DTNB: variants seen among roughly 807,000 people sequenced by gnomAD.
DTNB encodes dystrobrevin beta.
Under a neutral mutation model 90.7 loss-of-function variants are expected in DTNB, and 63 were observed. The ratio of observed to expected loss-of-function variants is 0.69; its 90% confidence interval spans 0.57 to 0.86. DTNB has a LOEUF of 0.86. Among genes scored for constraint, DTNB ranks in the 40% least tolerant of loss-of-function variants. The pLI, the probability that DTNB is intolerant of heterozygous loss-of-function variation, is 0.00. For missense variants in DTNB, 744 were observed against 807.1 expected, an observed-to-expected ratio of 0.92 and a Z score of 0.95; for synonymous variants, 277 against 286.7, an observed-to-expected ratio of 0.97 and a Z score of 0.34.
At chr2:25,589,420 G>A (rs376033879) in intron 6 of DTNB, among the ~76,000 whole-genome samples, 17 of 110,282 alleles carry the variant, frequency 1.5e-4, no homozygotes, top group African/African-American at 5.1e-4. Context: ...TCACTCTGTC[G>A]CCCAGGCTGG....
chr2:25,413,513 G>A (rs2047130027), intron 16 of DTNB, among the ~76,000 whole-genome samples: 1 of 151,020 alleles, frequency 6.6e-6, no homozygotes, highest in African/African-American at 2.4e-5. Context: ...AGAACATGCG[G>A]TGTTTGGTTT....
chr2:25,432,625 G>A (rs762462410), intron 14 of DTNB, among the ~76,000 whole-genome samples: 7 of 152,212 alleles, frequency 4.6e-5, no homozygotes, highest in Non-Finnish European at 8.8e-5. Flanking sequence ...AATCACAGAA[G>A]TATAAACAGT....
chr2:25,619,134 T>A (rs1313843421), intron 4 of DTNB, among the ~76,000 whole-genome samples: 1 of 152,152 alleles, frequency 6.6e-6, no homozygotes, highest in African/African-American at 2.4e-5. Flanking sequence ...GAGTTTGCTA[T>A]TCAAATTAAT....
chr2:25,435,733 T>G (rs2102387), intron 12 of DTNB, among the ~76,000 whole-genome samples: 152,049 of 152,272 alleles, frequency 1, 75,913 homozygotes, highest in Middle Eastern at 1. Context: ...ATTTCTCTTG[T>G]GTACGTACCT....
At chr2:25,487,861 C>T (rs973170433) in intron 9 of DTNB, among the ~76,000 whole-genome samples, 39 of 152,152 alleles carry the variant, frequency 2.6e-4, no homozygotes, top group African/African-American at 9.4e-4. Flanking sequence ...GTGAAAGGAG[C>T]TTGTCCTAGC....
At chr2:25,582,987 G>A (rs962317832) in intron 6 of DTNB, among the ~76,000 whole-genome samples, 17 of 152,054 alleles carry the variant, frequency 1.1e-4, no homozygotes, top group Admixed American at 2.0e-4. Context: ...TTGGCTGGGC[G>A]TGGCAACTCA....
At chr2:25,390,785 T>C (rs1258149219) in intron 16 of DTNB, among the ~76,000 whole-genome samples, 2 of 151,724 alleles carry the variant, frequency 1.3e-5, no homozygotes, top group African/African-American at 4.8e-5. Flanking sequence ...AAAAAACATA[T>C]GAACAAATCA....
At chr2:25,587,593 G>A (rs2062701066) in intron 6 of DTNB, among the ~76,000 whole-genome samples, 1 of 152,104 alleles carries the variant, frequency 6.6e-6, no homozygotes, top group African/African-American at 2.4e-5. Context: ...GAAGCGGGGG[G>A]AAGGGGTGCT....
At chr2:25,616,036 T>C (rs926430172) in intron 4 of DTNB, among the ~76,000 whole-genome samples, 1 of 152,224 alleles carries the variant, frequency 6.6e-6, no homozygotes, top group Non-Finnish European at 1.5e-5. Flanking sequence ...AAGGACATAA[T>C]AAAAGATTAC....
At chr2:25,564,897 G>C (rs2058784900) in intron 8 of DTNB, among the ~76,000 whole-genome samples, 1 of 152,080 alleles carries the variant, frequency 6.6e-6, no homozygotes. Context: ...TGCAGTTTTT[G>C]CCATTAAAAG....
At chr2:25,391,863 C>A (rs999802120) in intron 16 of DTNB, among the ~76,000 whole-genome samples, 4 of 152,132 alleles carry the variant, frequency 2.6e-5, no homozygotes, top group East Asian at 1.9e-4. Context: ...TTTAAAAATT[C>A]TTTGAACTGA....
chr2:25,429,428 G>C (rs555690836), intron 14 of DTNB, among the ~76,000 whole-genome samples: 1 of 151,904 alleles, frequency 6.6e-6, no homozygotes, highest in Non-Finnish European at 1.5e-5. Flanking sequence ...TCCAGCTTAC[G>C]GTTCATTTTT....
At chr2:25,636,893 G>C (rs1324673319) in intron 3 of DTNB, among the ~76,000 whole-genome samples, 1 of 151,578 alleles carries the variant, frequency 6.6e-6, no homozygotes, top group Non-Finnish European at 1.5e-5. Flanking sequence ...CTTCGATCTA[G>C]GATGGCATGA....
At chr2:25,450,638 C>T (rs755851908) in intron 12 of DTNB, among the ~76,000 whole-genome samples, 1 of 152,194 alleles carries the variant, frequency 6.6e-6, no homozygotes, top group Non-Finnish European at 1.5e-5. Context: ...TTAGGAAAAT[C>T]TGCCATCCTA....
chr2:25,567,219 G>A (rs1463999761), intron 8 of DTNB, among the ~76,000 whole-genome samples: 1 of 152,190 alleles, frequency 6.6e-6, no homozygotes, highest in African/African-American at 2.4e-5. Flanking sequence ...ATGACACGTG[G>A]CTATTTAAAA....
chr2:25,553,285 G>A (rs1444756846), intron 8 of DTNB, among the ~76,000 whole-genome samples: 1 of 151,992 alleles, frequency 6.6e-6, no homozygotes, highest in Non-Finnish European at 1.5e-5. Flanking sequence ...TTTATAAAAG[G>A]CTTCAAAATA....
chr2:25,408,538 C>CAAAAAAAAGAA (rs2045833168), intron 16 of DTNB, among the ~76,000 whole-genome samples: 2 of 32,728 alleles, frequency 6.1e-5, no homozygotes, highest in African/African-American at 1.9e-4. Flanking sequence ...GACTCCATCT[C>CAAAAAAAAGAA]AAAAAAAAAA....
intron 6 of DTNB, among the ~76,000 whole-genome samples, chr2:25,594,440 T>C (rs1452992314): frequency 1.3e-5 from 2 of 152,252 alleles, no homozygotes; most frequent in African/African-American, 4.8e-5. Flanking sequence ...CCACCTTCAG[T>C]GCTAAAGCTG....
At chr2:25,379,470 A>T in intron 19 of DTNB, 147 bp from the exon 20 acceptor site, 1 of 1,018,072 alleles carries the variant, frequency 9.8e-7, no homozygotes, top group Non-Finnish European at 1.3e-6. Context: ...TTTCCCACCC[A>T]GGTATGACAG....
Sources: gnomAD v4.1 joint callset for allele counts (sites outside exome capture counted in the v4.1 genomes callset) on GRCh38, gnomAD v4.1.1 for gene constraint, MANE v1.5 for transcripts, NCBI Gene and HGNC (gene_info 2026-07-23, HGNC 2026-07-21) for gene names.